Variants in FGF10 observed in about 807,000 individuals in gnomAD.
The protein encoded by FGF10 is FGF-10.
In FGF10, 2 loss-of-function variants were observed where a neutral mutation model predicts 19.8. The ratio of observed to expected loss-of-function variants is 0.10; its 90% confidence interval spans 0.04 to 0.32. The LOEUF is 0.32. FGF10 is among the 10% of genes least tolerant of loss of function. The probability of loss-of-function intolerance (pLI) is 1.00; values close to 1 mark genes in which losing one functional copy is unlikely to be tolerated. For missense variants in FGF10, 191 were observed against 246.3 expected (o/e 0.78, Z 1.50); for synonymous variants, 112 against 94.0 (o/e 1.19, Z -1.10).
chr5:44,318,023 T>C (rs1041882204), intron 1 of FGF10, among the ~76,000 whole-genome samples: 16 of 152,104 alleles, frequency 1.1e-4, no homozygotes, highest in Non-Finnish European at 2.2e-4. Context: ...AAAGCTTGTG[T>C]TCCCCTGGAG....
chr5:44,305,213 C>A (rs201506766), intron 2 of FGF10, 21 bp from the exon 3 acceptor site: 2 of 1,601,822 alleles, frequency 1.2e-6, no homozygotes, highest in East Asian at 2.2e-5. Context: ...AAAACAGAAT[C>A]TTTTATTCCT....
intron 1 of FGF10, among the ~76,000 whole-genome samples, chr5:44,356,207 G>A (rs935002879): frequency 6.6e-6 from 1 of 151,440 alleles, no homozygotes; most frequent in African/African-American, 2.4e-5. Context: ...CTGAAAGGGA[G>A]TGGTTCCCGT....
chr5:44,375,944 T>C (rs1261667175), intron 1 of FGF10, among the ~76,000 whole-genome samples: 1 of 152,172 alleles, frequency 6.6e-6, no homozygotes, highest in Non-Finnish European at 1.5e-5. Context: ...ATCTTACCCA[T>C]ATTACAAAAT....
intron 1 of FGF10, among the ~76,000 whole-genome samples, chr5:44,361,591 G>C (rs1249110279): frequency 6.6e-6 from 1 of 151,634 alleles, no homozygotes; most frequent in Non-Finnish European, 1.5e-5. Context: ...AGAGCATCTG[G>C]AATTATCTCT....
At chr5:44,329,769 A>T (rs1262593548) in intron 1 of FGF10, among the ~76,000 whole-genome samples, 1 of 152,172 alleles carries the variant, frequency 6.6e-6, no homozygotes, top group Admixed American at 6.5e-5. Context: ...TTGTCAAGCT[A>T]AAGCTCCCAA....
intron 1 of FGF10, among the ~76,000 whole-genome samples, chr5:44,345,679 C>T (rs1270443430): frequency 6.6e-6 from 1 of 151,058 alleles, no homozygotes; most frequent in Non-Finnish European, 1.5e-5. Context: ...TTTCATCAGG[C>T]ACCAACAATG....
At chr5:44,375,654 G>C (rs1244551608) in intron 1 of FGF10, among the ~76,000 whole-genome samples, 1 of 152,110 alleles carries the variant, frequency 6.6e-6, no homozygotes, top group South Asian at 2.1e-4. Context: ...ATCTAAGAGG[G>C]AACTAGCTTG....
chr5:44,348,526 T>C (rs941904426), intron 1 of FGF10, among the ~76,000 whole-genome samples: 1 of 151,500 alleles, frequency 6.6e-6, no homozygotes, highest in Admixed American at 6.6e-5. Context: ...GAAAGTTCAG[T>C]GCAAGTTTCT....
chr5:44,365,301 TCTC>T (rs1267615484), intron 1 of FGF10, among the ~76,000 whole-genome samples: 1 of 147,954 alleles, frequency 6.8e-6, no homozygotes, highest in East Asian at 2.0e-4. Context: ...CTCCTTTTGG[TCTC>T]CTCATGTCTC....
intron 1 of FGF10, among the ~76,000 whole-genome samples, chr5:44,311,804 A>T (rs1179988987): frequency 6.6e-6 from 1 of 152,118 alleles, no homozygotes; most frequent in Non-Finnish European, 1.5e-5. Flanking sequence ...TTTGTCATGT[A>T]TCATGAGAAA....
Position 44,302,541 on chromosome 5 carries a change from T to C in FGF10, c.*2454A>G, listed in dbSNP as rs923505275. ...GCATGGCTACATTTGTTTTGTTTTG[T>C]TTTGTTTAAGAGAAGGATGTCTCAC... On this transcript the variant is annotated 3_prime_UTR_variant, in exon 3 of 3. Transcript: ENST00000264664. 1.4e-4 allele frequency among the ~76,000 whole-genome samples: 21 copies of C among 151,966 alleles called. No homozygotes were observed. The highest frequency in any genetic ancestry group is 4.1e-4 in the African/African-American group (17 of 41,366).
At chr5:44,316,207 T>C (rs1225005216) in intron 1 of FGF10, among the ~76,000 whole-genome samples, 1 of 152,084 alleles carries the variant, frequency 6.6e-6, no homozygotes, top group Non-Finnish European at 1.5e-5. Flanking sequence ...GTGGAACAGT[T>C]TCATCTACAA....
chr5:44,350,593 G>A (rs995788407), intron 1 of FGF10, among the ~76,000 whole-genome samples: 2 of 150,404 alleles, frequency 1.3e-5, no homozygotes, highest in African/African-American at 4.9e-5. Flanking sequence ...ACAACACATA[G>A]GTGTGTGTAT....
chr5:44,363,822 T>C (rs1452657152), intron 1 of FGF10, among the ~76,000 whole-genome samples: 1 of 151,956 alleles, frequency 6.6e-6, no homozygotes, highest in Non-Finnish European at 1.5e-5. Context: ...TTATTTCATA[T>C]ACACTTTTGG....
At chr5:44,322,969 C>T (rs997279574) in intron 1 of FGF10, among the ~76,000 whole-genome samples, 5 of 152,164 alleles carry the variant, frequency 3.3e-5, no homozygotes, top group African/African-American at 1.2e-4. Flanking sequence ...CAAAATCAGT[C>T]CCTGGTGCCA....
chr5:44,366,127 C>CCTT (rs1554039043), intron 1 of FGF10, among the ~76,000 whole-genome samples: 2 of 74,810 alleles, frequency 2.7e-5, no homozygotes, highest in African/African-American at 5.1e-5. Flanking sequence ...CAATTATTTC[C>CCTT]TTTTTTTTTT....
chr5:44,373,606 C>T (rs934237122), intron 1 of FGF10, among the ~76,000 whole-genome samples: 1 of 151,998 alleles, frequency 6.6e-6, no homozygotes, highest in South Asian at 2.1e-4. Context: ...GAAAGGATTG[C>T]CTTTCTTCTA....
intron 2 of FGF10, among the ~76,000 whole-genome samples, chr5:44,309,739 G>T (rs1268153574): frequency 1.3e-5 from 2 of 152,006 alleles, no homozygotes; most frequent in East Asian, 3.9e-4. Flanking sequence ...CTAAGAAATT[G>T]GTTTAAAAGA....
At chr5:44,382,347 T>C (rs991301439) in intron 1 of FGF10, among the ~76,000 whole-genome samples, 3 of 152,174 alleles carry the variant, frequency 2.0e-5, no homozygotes, top group African/African-American at 7.2e-5. Context: ...CTTTTAGATG[T>C]CTTGAAACTT....
Sources: gnomAD v4.1 joint callset for allele counts (sites outside exome capture counted in the v4.1 genomes callset) on GRCh38, gnomAD v4.1.1 for gene constraint, MANE v1.5 for transcripts, NCBI Gene and HGNC (gene_info 2026-07-23, HGNC 2026-07-21) for gene names.